Variants in KCNIP4 observed in about 807,000 individuals in gnomAD.
The protein encoded by KCNIP4 is Kv channel-interacting protein 4.
A neutral mutation model predicts 34.0 loss-of-function variants in KCNIP4; 12 were observed. The ratio of observed to expected loss-of-function variants is 0.35; its 90% CI spans 0.23 to 0.57. KCNIP4 has a LOEUF of 0.57. KCNIP4 is among the 20% of genes least tolerant of loss of function. The pLI is 0.83. For missense variants in KCNIP4, 238 were observed against 311.7 expected (o/e 0.76, Z 1.78); for synonymous variants, 124 against 102.2 (o/e 1.21, Z -1.29).
intron 1 of KCNIP4, among the ~76,000 whole-genome samples, chr4:21,614,281 A>G (rs1034306942): frequency 1.3e-4 from 20 of 152,128 alleles, no homozygotes; most frequent in Non-Finnish European, 2.4e-4. Context: ...TGAGGGATGC[A>G]GGTGTTTAGG....
chr4:20,877,079 T>G (rs1009527267), intron 2 of KCNIP4, among the ~76,000 whole-genome samples: 3 of 152,158 alleles, frequency 2.0e-5, no homozygotes, highest in South Asian at 2.1e-4. Context: ...CAATATTATC[T>G]GGACTCCTTG....
intron 1 of KCNIP4, among the ~76,000 whole-genome samples, chr4:21,049,435 A>G (rs1028123763): frequency 6.6e-6 from 1 of 152,178 alleles, no homozygotes; most frequent in African/African-American, 2.4e-5. Flanking sequence ...ATTCATGATG[A>G]CTGACCCTTG....
At chr4:21,051,403 G>C (rs1420445285) in intron 1 of KCNIP4, among the ~76,000 whole-genome samples, 3 of 147,682 alleles carry the variant, frequency 2.0e-5, no homozygotes, top group Non-Finnish European at 4.5e-5. Flanking sequence ...ATTGACAGAT[G>C]ATTTCTTTGT....
intron 1 of KCNIP4, among the ~76,000 whole-genome samples, chr4:21,228,522 A>AG (rs1758565448): frequency 6.6e-6 from 1 of 152,168 alleles, no homozygotes; most frequent in African/African-American, 2.4e-5. Flanking sequence ...CAACCACTCA[A>AG]GGCAGCACTT....
rs999317886 is a variant in KCNIP4 at position 20,754,376 on chromosome 4, A to G, written c.358+4445T>C. Among the ~76,000 whole-genome samples, 5 of 152,276 alleles carry G rather than the reference A, an allele frequency of 3.3e-5. No homozygotes were observed. The East Asian group carries it at 5.8e-4, about 18-fold the overall frequency. ...GATGTTGTGATTTATGGACCCATCA[A>G]TGTTACTGTTCATAATGAGAAAAAC... is the stretch of plus-strand genomic sequence containing the variant. On this transcript the variant is annotated intron_variant, in intron 4 of 8. Coordinates refer to ENST00000382152, the MANE Select transcript of KCNIP4 (RefSeq NM_025221.6).
rs75623816 is a variant in KCNIP4 at position 20,761,948 on chromosome 4, A to G, written c.289-3058T>C. 5.3e-3 allele frequency among the ~76,000 whole-genome samples: 814 copies of G among 152,286 alleles called. 6 individuals carry two copies. Among genetic ancestry groups the G allele is most frequent in the African/African-American group, 0.018 (764 of 41,568 alleles). On this transcript the variant is annotated intron_variant, in intron 3 of 8. Coordinates refer to ENST00000382152, the MANE Select transcript of KCNIP4 (RefSeq NM_025221.6). ...ATGCCTATTATTCCAGGAGTCTTCT[A>G]GGAACTGGGACTGCTACAATAAACC...
intron 1 of KCNIP4, among the ~76,000 whole-genome samples, chr4:21,008,623 A>C (rs1001152355): frequency 6.6e-6 from 1 of 151,526 alleles, no homozygotes; most frequent in Non-Finnish European, 1.5e-5. Flanking sequence ...TCCCGGGTTC[A>C]CGCCATTCTC....
intron 1 of KCNIP4, among the ~76,000 whole-genome samples, chr4:21,534,129 G>C (rs1736958506): frequency 6.6e-6 from 1 of 152,120 alleles, no homozygotes; most frequent in African/African-American, 2.4e-5. Flanking sequence ...AGGACCTACT[G>C]TATAAAACCT....
intron 1 of KCNIP4, among the ~76,000 whole-genome samples, chr4:21,922,126 T>G (rs528797179): frequency 1.3e-5 from 2 of 152,302 alleles, no homozygotes; most frequent in African/African-American, 2.4e-5. Flanking sequence ...TCGGGAAAAC[T>G]TTTCCTCCAG....
intron 1 of KCNIP4, among the ~76,000 whole-genome samples, chr4:21,074,807 A>G (rs1050389149): frequency 7.6e-4 from 115 of 152,288 alleles, no homozygotes; most frequent in African/African-American, 2.6e-3. Flanking sequence ...ACACTGCTTT[A>G]AATGTGTCCC....
chr4:20,865,527 C>T (rs1274364493), intron 2 of KCNIP4, among the ~76,000 whole-genome samples: 1 of 151,782 alleles, frequency 6.6e-6, no homozygotes, highest in Non-Finnish European at 1.5e-5. Flanking sequence ...TACTATTCAA[C>T]ATTAAAAAAG....
chr4:20,871,218 C>T (rs1029431236), intron 2 of KCNIP4, among the ~76,000 whole-genome samples: 9 of 152,084 alleles, frequency 5.9e-5, no homozygotes, highest in Admixed American at 1.3e-4. Flanking sequence ...CAAATTCTCT[C>T]TCCCATGGGC....
chr4:21,922,787 T>C (rs1444715908), intron 1 of KCNIP4, among the ~76,000 whole-genome samples: 2 of 152,180 alleles, frequency 1.3e-5, no homozygotes, highest in Non-Finnish European at 2.9e-5. Flanking sequence ...TTGCTACATA[T>C]AAATGAGTCA....
intron 3 of KCNIP4, among the ~76,000 whole-genome samples, chr4:20,806,887 G>C (rs1005957443): frequency 2.0e-5 from 3 of 152,090 alleles, no homozygotes; most frequent in African/African-American, 7.2e-5. Context: ...AAGACCAAAT[G>C]AAACTAGCAA....
intron 1 of KCNIP4, among the ~76,000 whole-genome samples, chr4:21,204,301 T>C (rs936334173): frequency 6.6e-6 from 1 of 152,168 alleles, no homozygotes; most frequent in Non-Finnish European, 1.5e-5. Flanking sequence ...TATAGAATAT[T>C]GGGAGTCCCT....
At chr4:21,901,282 G>A (rs535290581) in intron 1 of KCNIP4, among the ~76,000 whole-genome samples, 10 of 152,322 alleles carry the variant, frequency 6.6e-5, no homozygotes, top group Middle Eastern at 3.4e-3. Flanking sequence ...CAAGCATGGT[G>A]ACAACAAAAA....
At chr4:21,711,053 G>A (rs1479315587) in intron 1 of KCNIP4, among the ~76,000 whole-genome samples, 1 of 152,170 alleles carries the variant, frequency 6.6e-6, no homozygotes, top group South Asian at 2.1e-4. Context: ...AGCAAGTTAA[G>A]AAGATATGTA....
In KCNIP4 at chr4:21,089,590, G is replaced by C. The variant is rs138019623; in HGVS notation, c.62-206881C>G. Among the ~76,000 whole-genome samples the C allele has an allele frequency of 2.9e-4, 44 of 152,216 alleles. No individual in the cohort carries two copies. The East Asian group carries it at 5.6e-3, about 19-fold the overall frequency. On this transcript the variant is annotated intron_variant, in intron 1 of 8. Transcript: ENST00000382152. ...TGAAAAATAAGTCATGAAACACCTT[G>C]ACTGAAAGACACATCCAGTTTTCAG...
Position 20,790,181 on chromosome 4 carries a change from G to C in KCNIP4, c.289-31291C>G, listed in dbSNP as rs538166389. ...TTGTCACAAAATGGTAAGTATTTGTGTATTTATACGTATCTAAACATAGGA... is the reference window on the plus strand; with the variant it reads ...TTGTCACAAAATGGTAAGTATTTGTCTATTTATACGTATCTAAACATAGGA... On this transcript the variant is annotated intron_variant, in intron 3 of 8. Coordinates refer to ENST00000382152, the MANE Select transcript of KCNIP4 (RefSeq NM_025221.6). Among the ~76,000 whole-genome samples, 8 of 152,152 alleles carry C rather than the reference G, an allele frequency of 5.3e-5. No homozygotes were observed. In the South Asian group the frequency reaches 1.5e-3, roughly 28 times the overall value.
Sources: allele counts gnomAD v4.1 joint callset (sites outside exome capture counted in the v4.1 genomes callset), GRCh38; gene constraint gnomAD v4.1.1; transcripts MANE v1.5; gene names NCBI Gene and HGNC (gene_info 2026-07-23, HGNC 2026-07-21).